PRKG1: variants seen among roughly 807,000 people sequenced by gnomAD.
PRKG1 encodes cGMP-dependent protein kinase 1.
PRKG1 carries 35 observed loss-of-function variants against 88.1 expected under a neutral mutation model. The ratio of observed to expected loss-of-function variants is 0.40; its 90% CI spans 0.30 to 0.53. The LOEUF (loss-of-function observed/expected upper bound fraction) is 0.53. PRKG1 is among the 20% of genes least tolerant of loss of function. The pLI, the probability that PRKG1 is intolerant of heterozygous loss-of-function variation, is 0.59. For synonymous variants in PRKG1, 303 were observed against 292.5 expected (o/e 1.04, Z -0.37); for missense variants, 540 against 839.8 (o/e 0.64, Z 4.41).
At chr10:51,020,013 G>A (rs1186154654) in intron 1 of PRKG1, among the ~76,000 whole-genome samples, 16 of 152,104 alleles carry the variant, frequency 1.1e-4, no homozygotes, top group Admixed American at 9.8e-4. Context: ...TTTTGGCAAG[G>A]ATATGGAAAA....
chr10:51,146,013 GAAAA>G (rs1845938114), intron 1 of PRKG1, among the ~76,000 whole-genome samples: 1 of 151,462 alleles, frequency 6.6e-6, no homozygotes, highest in African/African-American at 2.4e-5. Context: ...CTAAAAATAC[GAAAA>G]AACAAACAAA....
rs1842414761 is a variant in PRKG1 at position 52,297,982 on chromosome 10, C to T, written c.*4082C>T. 6.6e-6 allele frequency: 1 copy of T among 152,156 alleles called. No individual in the cohort carries two copies. Among genetic ancestry groups the T allele is most frequent in the Non-Finnish European group, 1.5e-5 (1 of 68,034 alleles). The allele number at this position is 152,156 out of a possible 1,614,324, so 9.4% of individuals were successfully genotyped here. A position where few individuals can be genotyped will look rare whatever the true frequency, so the allele number is the denominator to read the frequency against. ...TGCCCCTGAATCAACAGACAGAGCT[C>T]TGGGACCTTGGCAATGACTCAGAGG... is the stretch of plus-strand genomic sequence containing the variant. On this transcript the variant is annotated 3_prime_UTR_variant, in exon 18 of 18. Coordinates refer to ENST00000373980, the MANE Select transcript of PRKG1 (RefSeq NM_006258.4).
chr10:51,933,969 T>A (rs1340794078), intron 5 of PRKG1, among the ~76,000 whole-genome samples: 1 of 152,158 alleles, frequency 6.6e-6, no homozygotes, highest in African/African-American at 2.4e-5. Context: ...TGAATTTTTG[T>A]TATAAAGTAC....
intron 3 of PRKG1, among the ~76,000 whole-genome samples, chr10:51,721,456 T>C (rs1012658107): frequency 1.3e-5 from 2 of 152,172 alleles, no homozygotes; most frequent in Non-Finnish European, 2.9e-5. Flanking sequence ...AAACCTTGCC[T>C]TCTTGCAGTT....
intron 1 of PRKG1, among the ~76,000 whole-genome samples, chr10:51,122,194 G>C (rs926977336): frequency 1.3e-5 from 2 of 152,164 alleles, no homozygotes; most frequent in Non-Finnish European, 2.9e-5. Context: ...TTGGTCTAAA[G>C]CAATGGAACT....
intron 2 of PRKG1, among the ~76,000 whole-genome samples, chr10:51,210,421 C>T (rs914988005): frequency 6.6e-6 from 1 of 151,998 alleles, no homozygotes; most frequent in Non-Finnish European, 1.5e-5. Context: ...GAAGCAAGAG[C>T]AAACACATTC....
intron 4 of PRKG1, among the ~76,000 whole-genome samples, chr10:51,824,862 A>G (rs60938858): frequency 0.038 from 5,856 of 152,160 alleles, 350 homozygotes; most frequent in African/African-American, 0.13. Flanking sequence ...CCATGACTCA[A>G]ACACCTCCCA....
intron 4 of PRKG1, among the ~76,000 whole-genome samples, chr10:51,816,835 G>C (rs1839599787): frequency 6.6e-6 from 1 of 152,060 alleles, no homozygotes; most frequent in South Asian, 2.1e-4. Context: ...TTCCCTGTTG[G>C]CTGGAGGGGG....
At chr10:51,019,908 AC>A (rs1215143398) in intron 1 of PRKG1, among the ~76,000 whole-genome samples, 1 of 152,152 alleles carries the variant, frequency 6.6e-6, no homozygotes, top group Non-Finnish European at 1.5e-5. Flanking sequence ...GCTAAACATC[AC>A]TAGCCATTAG....
At chr10:52,182,928 A>G (rs1446472087) in intron 9 of PRKG1, among the ~76,000 whole-genome samples, 2 of 152,126 alleles carry the variant, frequency 1.3e-5, no homozygotes, top group African/African-American at 4.8e-5. Context: ...CTTAGCTTTT[A>G]GTGAGGCCTC....
In PRKG1 at chr10:51,280,033, A is replaced by G. The variant is rs1303386919; in HGVS notation, c.478+126703A>G. ...GTACTGGTTGTTTCTTTCCATGTTT[A>G]GTGCTTCCTTCAGGAGCTCTTGTAG... On this transcript the variant is annotated intron_variant, in intron 2 of 17. Coordinates refer to ENST00000373980, the MANE Select transcript of PRKG1 (RefSeq NM_006258.4). Among the ~76,000 whole-genome samples, 8 of 152,106 alleles carry G rather than the reference A, an allele frequency of 5.3e-5. No individual in the cohort carries two copies. In the South Asian group the frequency reaches 1.0e-3, roughly 20 times the overall value.
chr10:52,161,866 A>T, intron 8 of PRKG1, 23 bp from the exon 9 acceptor site: 1 of 1,606,996 alleles, frequency 6.2e-7, no homozygotes, highest in Non-Finnish European at 8.5e-7. Flanking sequence ...AAGATTAATC[A>T]CTGTGCTTTT....
intron 2 of PRKG1, among the ~76,000 whole-genome samples, chr10:51,294,915 A>C (rs1243078318): frequency 1.3e-5 from 2 of 152,056 alleles, no homozygotes; most frequent in Non-Finnish European, 2.9e-5. Flanking sequence ...TCTTCAAAAA[A>C]ATTTGAAACA....
chr10:51,979,410 G>GTTTTTTTTTTTTTTTTTT lies in PRKG1; in HGVS notation c.762+71847_762+71864dup, dbSNP rs61150252. Among the ~76,000 whole-genome samples the GTTTTTTTTTTTTTTTTTT allele has an allele frequency of 4.1e-3, 192 of 47,062 alleles. 27 individuals are homozygous for GTTTTTTTTTTTTTTTTTT. Among genetic ancestry groups the GTTTTTTTTTTTTTTTTTT allele is most frequent in the East Asian group, 8.5e-3 (11 of 1,296 alleles). 30.9% of individuals were successfully genotyped at this position (47,062 alleles called of 152,430 possible). On this transcript the variant is annotated intron_variant, in intron 5 of 17. Coordinates refer to ENST00000373980, the MANE Select transcript of PRKG1 (RefSeq NM_006258.4). ...CAATATTCATCATGGATATTGGTCTGTTTTTTTTTTTTTTTTTTTTTTTTC... is the reference window on the plus strand; with the variant it reads ...CAATATTCATCATGGATATTGGTCTGTTTTTTTTTTTTTTTTTTTTTTTTTTTTTTTTTTTTTTTTTTC...
rs755388089 is a variant in PRKG1, at chr10:51,625,639, A to G, written c.592+157803A>G. On this transcript the variant is annotated intron_variant, in intron 3 of 17. Coordinates refer to ENST00000373980, the MANE Select transcript of PRKG1 (RefSeq NM_006258.4). ...GTAATGGTAGCATGGCTGTAAATTTACTAAAAATTATCATTTAATAGTGCA... is the reference window on the plus strand; with the variant it reads ...GTAATGGTAGCATGGCTGTAAATTTGCTAAAAATTATCATTTAATAGTGCA... Among the ~76,000 whole-genome samples, 3 of 152,158 alleles carry G rather than the reference A, an allele frequency of 2.0e-5. No homozygotes were observed. In the South Asian group the frequency reaches 6.2e-4, roughly 32 times the overall value.
At chr10:52,207,831 G>T (rs1203873219) in intron 9 of PRKG1, among the ~76,000 whole-genome samples, 1 of 152,040 alleles carries the variant, frequency 6.6e-6, no homozygotes, top group Non-Finnish European at 1.5e-5. Flanking sequence ...TCCCCCTTCA[G>T]CCCAGTGTCT....
chr10:51,608,919 A>G (rs1424157208), intron 3 of PRKG1, among the ~76,000 whole-genome samples: 1 of 152,182 alleles, frequency 6.6e-6, no homozygotes, highest in African/African-American at 2.4e-5. Context: ...TGAAATAAGA[A>G]AAAGCTTATG....
intron 7 of PRKG1, among the ~76,000 whole-genome samples, chr10:52,099,496 G>A (rs895315402): frequency 6.6e-6 from 1 of 152,122 alleles, no homozygotes; most frequent in Non-Finnish European, 1.5e-5. Context: ...TTTGACACAG[G>A]CCTTATTGTG....
At chr10:51,812,272 T>C (rs1839476330) in intron 4 of PRKG1, among the ~76,000 whole-genome samples, 1 of 152,196 alleles carries the variant, frequency 6.6e-6, no homozygotes, top group African/African-American at 2.4e-5. Flanking sequence ...GAAGTGTTTT[T>C]TCTGCAAAAA....
Sources: allele counts gnomAD v4.1 joint callset (sites outside exome capture counted in the v4.1 genomes callset), GRCh38; gene constraint gnomAD v4.1.1; transcripts MANE v1.5; gene names NCBI Gene and HGNC (gene_info 2026-07-23, HGNC 2026-07-21).